Variants in NKAIN3 observed in about 807,000 individuals in gnomAD.
NKAIN3 encodes sodium/potassium transporting ATPase interacting 3, also known as sodium/potassium-transporting ATPase subunit beta-1-interacting protein 3.
NKAIN3 carries 25 observed loss-of-function variants against 30.2 expected under a neutral mutation model. The observed-to-expected ratio is 0.83, with a 90% confidence interval of 0.60 to 1.16. The LOEUF (loss-of-function observed/expected upper bound fraction) is 1.16. Among genes scored for constraint, NKAIN3 ranks in the 50% most tolerant of loss-of-function variants. The probability of loss-of-function intolerance (pLI) is 0.00; values close to 1 mark genes in which losing one functional copy is unlikely to be tolerated. For synonymous variants in NKAIN3, 91 were observed against 89.6 expected, an observed-to-expected ratio of 1.02 and a Z score of -0.09; for missense variants, 225 against 254.1, an observed-to-expected ratio of 0.89 and a Z score of 0.78.
intron 4 of NKAIN3, among the ~76,000 whole-genome samples, chr8:62,852,590 C>T (rs62510778): frequency 0.11 from 16,584 of 151,940 alleles, 962 homozygotes; most frequent in African/African-American, 0.15. Flanking sequence ...TGTGGGCATT[C>T]AGTGCTATAA....
At chr8:62,358,180 T>C (rs1178271850) in intron 1 of NKAIN3, among the ~76,000 whole-genome samples, 1 of 150,980 alleles carries the variant, frequency 6.6e-6, no homozygotes, top group African/African-American at 2.4e-5. Flanking sequence ...CTGATAGTTT[T>C]ACCAAGAAGT....
intron 4 of NKAIN3, among the ~76,000 whole-genome samples, chr8:62,847,129 A>G (rs562844575): frequency 4.6e-5 from 7 of 152,274 alleles, no homozygotes; most frequent in Non-Finnish European, 8.8e-5. Flanking sequence ...GCCGTTGTGA[A>G]TGGTGCTGCA....
chr8:62,891,761 A>T (rs1277886704), intron 4 of NKAIN3, among the ~76,000 whole-genome samples: 1 of 152,130 alleles, frequency 6.6e-6, no homozygotes, highest in Non-Finnish European at 1.5e-5. Flanking sequence ...AAGCCACAAG[A>T]TATAGTTTCA....
At chr8:62,340,067 A>T (rs1815691755) in intron 1 of NKAIN3, among the ~76,000 whole-genome samples, 1 of 152,124 alleles carries the variant, frequency 6.6e-6, no homozygotes, top group South Asian at 2.1e-4. Flanking sequence ...ATAAGAAAAG[A>T]GTATAACAAA....
intron 5 of NKAIN3, among the ~76,000 whole-genome samples, chr8:62,947,577 C>A (rs1298269488): frequency 6.6e-6 from 1 of 152,194 alleles, no homozygotes. Flanking sequence ...GTTCTTGCCT[C>A]TTAAGCCCAG....
intron 4 of NKAIN3, among the ~76,000 whole-genome samples, chr8:62,852,663 T>C (rs941623043): frequency 8.5e-5 from 13 of 152,318 alleles, no homozygotes; most frequent in Middle Eastern, 3.4e-3. Context: ...GTCTTTGTTC[T>C]CGTTGGTTTC....
Position 62,816,783 on chromosome 8 carries a change from A to G in NKAIN3, c.471+69654A>G, listed in dbSNP as rs79886828. On this transcript the variant is annotated intron_variant, in intron 4 of 6. Transcript: ENST00000623646. ...AGGGACTAATGAGCCCCACGGCAGG[A>G]TGCATTCTGGTGGTGGCTCCACTCT... Among the ~76,000 whole-genome samples, 780 of 152,224 alleles carry G rather than the reference A, an allele frequency of 5.1e-3. 6 individuals carry two copies. The highest frequency in any genetic ancestry group is 0.018 in the African/African-American group (738 of 41,552).
At chr8:62,849,607 C>A (rs780028457) in intron 4 of NKAIN3, among the ~76,000 whole-genome samples, 12 of 129,130 alleles carry the variant, frequency 9.3e-5, no homozygotes, top group African/African-American at 2.2e-4. Flanking sequence ...CCCTCCCCCC[C>A]ACCCACCCCA....
intron 4 of NKAIN3, among the ~76,000 whole-genome samples, chr8:62,848,561 G>A (rs1819760861): frequency 6.6e-6 from 1 of 152,122 alleles, no homozygotes; most frequent in African/African-American, 2.4e-5. Context: ...AGCTTAAGAA[G>A]CTTCTTGGCC....
intron 2 of NKAIN3, among the ~76,000 whole-genome samples, chr8:62,585,330 C>T (rs1810434936): frequency 6.6e-6 from 1 of 152,136 alleles, no homozygotes; most frequent in African/African-American, 2.4e-5. Flanking sequence ...TTCCAGGTAC[C>T]ATCACACTAT....
intron 4 of NKAIN3, among the ~76,000 whole-genome samples, chr8:62,838,136 T>A (rs1462017005): frequency 1.4e-5 from 2 of 144,702 alleles, no homozygotes; most frequent in Non-Finnish European, 3.0e-5. Context: ...GCTCTGTGTG[T>A]GTGTGTGTGT....
chr8:62,937,329 C>T (rs1226680705), intron 5 of NKAIN3, among the ~76,000 whole-genome samples: 11 of 152,128 alleles, frequency 7.2e-5, no homozygotes, highest in African/African-American at 1.9e-4. Flanking sequence ...CTGCGTACTC[C>T]GTGAAACAGC....
intron 4 of NKAIN3, among the ~76,000 whole-genome samples, chr8:62,808,785 C>T (rs1818388460): frequency 6.6e-6 from 1 of 152,072 alleles, no homozygotes; most frequent in Middle Eastern, 3.2e-3. Context: ...ATTAAAATTG[C>T]TAATGAAGTT....
At chr8:62,262,858 A>G (rs368436183) in intron 1 of NKAIN3, among the ~76,000 whole-genome samples, 1 of 152,176 alleles carries the variant, frequency 6.6e-6, no homozygotes, top group African/African-American at 2.4e-5. Context: ...GTGTCTTTAT[A>G]CACACTTTTT....
intron 3 of NKAIN3, among the ~76,000 whole-genome samples, chr8:62,707,365 G>A (rs184902869): frequency 7.2e-5 from 11 of 152,082 alleles, no homozygotes; most frequent in Admixed American, 2.6e-4. Flanking sequence ...AGTGTTTCCT[G>A]TTCGCCACAC....
intron 1 of NKAIN3, among the ~76,000 whole-genome samples, chr8:62,290,675 C>A (rs78188826): frequency 1.3e-5 from 2 of 152,156 alleles, no homozygotes; most frequent in African/African-American, 4.8e-5. Flanking sequence ...CATCAATGTT[C>A]ATCAGGGATA....
intron 1 of NKAIN3, among the ~76,000 whole-genome samples, chr8:62,426,748 G>A (rs185115372): frequency 5.6e-4 from 85 of 152,094 alleles, no homozygotes; most frequent in African/African-American, 2.0e-3. Context: ...TAGGAGCAAT[G>A]CTGAAGTTTC....
At chr8:62,713,886 A>G (rs1381239765) in intron 3 of NKAIN3, among the ~76,000 whole-genome samples, 2 of 152,208 alleles carry the variant, frequency 1.3e-5, no homozygotes, top group African/African-American at 4.8e-5. Flanking sequence ...ATTTGGTTAG[A>G]AACAGGTTGC....
intron 5 of NKAIN3, among the ~76,000 whole-genome samples, chr8:62,948,239 G>A (rs773861548): frequency 2.0e-5 from 3 of 150,210 alleles, no homozygotes; most frequent in African/African-American, 7.4e-5. Flanking sequence ...TCACTCTGTC[G>A]CCCAGGCTGG....
Sources: allele counts gnomAD v4.1 joint callset (sites outside exome capture counted in the v4.1 genomes callset), GRCh38; gene constraint gnomAD v4.1.1; transcripts MANE v1.5; gene names NCBI Gene and HGNC (gene_info 2026-07-23, HGNC 2026-07-21).